Variants in PPM1B observed in about 807,000 individuals in gnomAD.
The protein encoded by PPM1B is protein phosphatase 1B.
A neutral mutation model predicts 43.0 loss-of-function variants in PPM1B; 22 were observed. The ratio of observed to expected loss-of-function variants is 0.51; its 90% CI spans 0.37 to 0.73. The LOEUF is 0.73. Among genes scored for constraint, PPM1B ranks in the 30% least tolerant of loss-of-function variants. The pLI is 0.00. For synonymous variants in PPM1B, 217 were observed against 197.9 expected (o/e 1.10, Z -0.81); for missense variants, 632 against 584.2 (o/e 1.08, Z -0.84).
intron 5 of PPM1B, among the ~76,000 whole-genome samples, chr2:44,243,720 C>T (rs1670798210): frequency 6.6e-6 from 1 of 152,044 alleles, no homozygotes; most frequent in African/African-American, 2.4e-5. Flanking sequence ...TGTGTCAGTA[C>T]CATGTCATCT....
At chr2:44,199,324 T>TAAAAA (rs796771747) in intron 1 of PPM1B, among the ~76,000 whole-genome samples, 3 of 74,696 alleles carry the variant, frequency 4.0e-5, no homozygotes, top group South Asian at 5.2e-4. Context: ...AAAATAAAAA[T>TAAAAA]AAAAAAAAAA....
intron 3 of PPM1B, among the ~76,000 whole-genome samples, chr2:44,217,607 A>G (rs1273827879): frequency 6.6e-6 from 1 of 152,188 alleles, no homozygotes; most frequent in Non-Finnish European, 1.5e-5. Flanking sequence ...GTATTCATCA[A>G]GACACCTATT....
At chr2:44,234,691 CT>C (rs1175289438), downstream of PPM1B, 1 of 809,950 alleles carries the variant, frequency 1.2e-6, no homozygotes, top group Non-Finnish European at 1.5e-6. Flanking sequence ...TGAGGACCCA[CT>C]TATACTCTTA....
intron 1 of PPM1B, among the ~76,000 whole-genome samples, chr2:44,195,027 G>T (rs560094544): frequency 6.4e-4 from 97 of 151,426 alleles, no homozygotes; most frequent in African/African-American, 2.2e-3. Flanking sequence ...AAGTAGCTGG[G>T]ATGACAGGCG....
At chr2:44,218,984 G>T (rs1669852082) in intron 5 of PPM1B, 3 of 401,648 alleles carry the variant, frequency 7.5e-6, no homozygotes, top group Non-Finnish European at 1.4e-5. Context: ...GAATACCCGA[G>T]GATAGTTTTT....
rs1378577268 is a variant in PPM1B, at chr2:44,185,766, A to G, written c.-14-15420A>G. On this transcript the variant is annotated intron_variant, in intron 1 of 5. Transcript: ENST00000282412. ...TTTTTATCAGTAACATCTCCTTGCC[A>G]TTGGACCTGGGTGTGGTCAATGCCA... Among the ~76,000 whole-genome samples, 6 of 152,206 alleles carry G rather than the reference A, an allele frequency of 3.9e-5. No homozygotes were observed. The East Asian group carries it at 5.8e-4, about 15-fold the overall frequency.
chr2:44,204,399 A>G (rs532785870), intron 2 of PPM1B, among the ~76,000 whole-genome samples: 25 of 152,178 alleles, frequency 1.6e-4, no homozygotes, highest in Non-Finnish European at 3.2e-4. Context: ...TAATAAGTAG[A>G]TGTTTCCCTG....
chr2:44,195,558 C>T (rs1381712363), intron 1 of PPM1B, among the ~76,000 whole-genome samples: 1 of 152,120 alleles, frequency 6.6e-6, no homozygotes, highest in Admixed American at 6.6e-5. Context: ...GTGGCTCACA[C>T]CTGTAATTCC....
intron 5 of PPM1B, among the ~76,000 whole-genome samples, chr2:44,220,007 G>A (rs976540160): frequency 1.3e-4 from 19 of 151,970 alleles, no homozygotes; most frequent in African/African-American, 4.6e-4. Flanking sequence ...TATTTTATGT[G>A]ATCCATCAGA....
chr2:44,191,283 G>C (rs751779337), intron 1 of PPM1B, among the ~76,000 whole-genome samples: 1 of 151,792 alleles, frequency 6.6e-6, no homozygotes, highest in Non-Finnish European at 1.5e-5. Context: ...GAGTGATCTC[G>C]GCTCACTGCA....
chr2:44,191,007 A>G (rs1668380569), intron 1 of PPM1B, among the ~76,000 whole-genome samples: 1 of 152,212 alleles, frequency 6.6e-6, no homozygotes. Context: ...TTTAACAGAC[A>G]TTAACATTTT....
intron 1 of PPM1B, among the ~76,000 whole-genome samples, chr2:44,171,100 A>G (rs1344025355): frequency 6.6e-6 from 1 of 152,158 alleles, no homozygotes; most frequent in Non-Finnish European, 1.5e-5. Context: ...AGATTTCCCC[A>G]GTTTCTAGTA....
At chr2:44,176,649 CTCT>C (rs770664437) in intron 1 of PPM1B, among the ~76,000 whole-genome samples, 3 of 152,176 alleles carry the variant, frequency 2.0e-5, no homozygotes, top group Non-Finnish European at 4.4e-5. Context: ...GTAAAGAGGC[CTCT>C]TCTTCAGTTT....
intron 5 of PPM1B, 36 bp from the exon 6 acceptor site, chr2:44,230,377 G>C (rs1378153689): frequency 6.2e-7 from 1 of 1,601,802 alleles, no homozygotes; most frequent in East Asian, 2.2e-5. Flanking sequence ...ATCCTAGTTT[G>C]TCTACTGACA....
intron 3 of PPM1B, among the ~76,000 whole-genome samples, chr2:44,214,463 TG>T (rs373736540): frequency 1.0e-4 from 14 of 138,928 alleles, no homozygotes; most frequent in East Asian, 2.2e-4. Flanking sequence ...TTTTCGGGGG[TG>T]GGGGGGGCAT....
intron 5 of PPM1B, 92 bp downstream of exon 5, chr2:44,218,629 A>T: frequency 1.5e-5 from 13 of 869,792 alleles, no homozygotes; most frequent in South Asian, 3.3e-5. Flanking sequence ...GTCTATAATA[A>T]ATTATAGTCT....
chr2:44,225,354 C>T (rs966593562), intron 5 of PPM1B, among the ~76,000 whole-genome samples: 2 of 152,038 alleles, frequency 1.3e-5, no homozygotes, highest in African/African-American at 4.8e-5. Context: ...ATCAACTGTA[C>T]GAGTTCAGAT....
chr2:44,192,190 G>GGTATGGTATTGTATT (rs1553329839), intron 1 of PPM1B, among the ~76,000 whole-genome samples: 5 of 143,542 alleles, frequency 3.5e-5, no homozygotes, highest in African/African-American at 7.9e-5. Flanking sequence ...GTTATGTTAT[G>GGTATGGTATTGTATT]GTATTGTATT....
At chr2:44,235,487 C>A (rs1361673246), downstream of PPM1B, among the ~76,000 whole-genome samples, 1 of 151,636 alleles carries the variant, frequency 6.6e-6, no homozygotes, top group African/African-American at 2.4e-5. Flanking sequence ...CCCGTAATCC[C>A]AGCTACTCGG....
Sources: allele counts gnomAD v4.1 joint callset (sites outside exome capture counted in the v4.1 genomes callset), GRCh38; gene constraint gnomAD v4.1.1; transcripts MANE v1.5; gene names NCBI Gene and HGNC (gene_info 2026-07-23, HGNC 2026-07-21).